ESR1: variants seen among roughly 807,000 people sequenced by gnomAD.
ESR1 encodes the protein estrogen receptor 1.
In ESR1, 12 loss-of-function variants were observed where a neutral mutation model predicts 52.7. The observed-to-expected ratio is 0.23, with a 90% CI of 0.15 to 0.37. The LOEUF is 0.37. Among genes scored for constraint, ESR1 ranks in the 10% least tolerant of loss-of-function variants. The probability of loss-of-function intolerance (pLI) is 1.00; values close to 1 mark genes in which losing one functional copy is unlikely to be tolerated. For synonymous variants in ESR1, 305 were observed against 316.8 expected (o/e 0.96, Z 0.39); for missense variants, 584 against 779.7 (o/e 0.75, Z 2.99).
intron 4 of ESR1, among the ~76,000 whole-genome samples, chr6:151,997,203 A>G (rs1406273120): frequency 6.6e-6 from 1 of 152,144 alleles, no homozygotes; most frequent in Non-Finnish European, 1.5e-5. Flanking sequence ...CTTTGTAGGA[A>G]GTCAGTATTG....
intron 2 of ESR1, among the ~76,000 whole-genome samples, chr6:151,750,200 G>T (rs570457844): frequency 6.6e-6 from 1 of 152,258 alleles, no homozygotes; most frequent in African/African-American, 2.4e-5. Flanking sequence ...CTCTGGTTAT[G>T]TACATCCACA....
chr6:151,972,238 A>G (rs761742180), intron 4 of ESR1, among the ~76,000 whole-genome samples: 1 of 152,212 alleles, frequency 6.6e-6, no homozygotes. Context: ...AGAAAAATTG[A>G]TACCAATCCT....
At chr6:151,669,819 T>C (rs1293955) in intron 1 of ESR1, among the ~76,000 whole-genome samples, 41,968 of 151,746 alleles carry the variant, frequency 0.28, 6,374 homozygotes, top group East Asian at 0.41. Context: ...GTGGAGTGAG[T>C]AGCAGAATCA....
intron 5 of ESR1, among the ~76,000 whole-genome samples, chr6:152,015,442 C>G (rs549597936): frequency 1.3e-5 from 2 of 152,308 alleles, no homozygotes; most frequent in African/African-American, 4.8e-5. Context: ...TCTCATTCCA[C>G]CATATTAGTT....
At chr6:151,688,752 T>G (rs951953112), upstream of ESR1, among the ~76,000 whole-genome samples, 3 of 152,252 alleles carry the variant, frequency 2.0e-5, no homozygotes, top group South Asian at 4.1e-4. Flanking sequence ...TTTTAGGTAT[T>G]ATAAGTAATC....
At chr6:152,084,918 G>A (rs191212568) in intron 6 of ESR1, among the ~76,000 whole-genome samples, 2 of 152,246 alleles carry the variant, frequency 1.3e-5, no homozygotes, top group East Asian at 3.9e-4. Context: ...CAGACTAAAG[G>A]TCTCCTATGA....
intron 3 of ESR1, among the ~76,000 whole-genome samples, chr6:151,908,352 A>G (rs1797763891): frequency 6.6e-6 from 1 of 152,142 alleles, no homozygotes; most frequent in South Asian, 2.1e-4. Context: ...CACAACAGTT[A>G]ATTATTTTAT....
chr6:151,815,805 C>T (rs1194005991), intron 1 of ESR1, among the ~76,000 whole-genome samples: 1 of 152,200 alleles, frequency 6.6e-6, no homozygotes, highest in Non-Finnish European at 1.5e-5. Flanking sequence ...GTATATGTTC[C>T]CAGCTGAGGC....
chr6:151,974,343 T>A (rs1350457476), intron 4 of ESR1, among the ~76,000 whole-genome samples: 1 of 110,180 alleles, frequency 9.1e-6, no homozygotes, highest in Non-Finnish European at 2.2e-5. Context: ...CAAATATTGT[T>A]ATTATCTTCA....
chr6:151,907,292 G>A (rs896801148), intron 3 of ESR1, among the ~76,000 whole-genome samples: 1 of 151,844 alleles, frequency 6.6e-6, no homozygotes, highest in Non-Finnish European at 1.5e-5. Flanking sequence ...AATCTGAGGA[G>A]GATTGACATC....
chr6:151,990,913 C>G (rs890699550), intron 4 of ESR1, among the ~76,000 whole-genome samples: 9 of 152,076 alleles, frequency 5.9e-5, no homozygotes, highest in Non-Finnish European at 8.8e-5. Context: ...ATAAGATTAT[C>G]TATAAACATG....
intron 2 of ESR1, among the ~76,000 whole-genome samples, chr6:151,757,867 C>T (rs182744195): frequency 7.9e-5 from 12 of 152,240 alleles, no homozygotes; most frequent in African/African-American, 2.2e-4. Context: ...TCATCCATTT[C>T]CTGTAATAAG....
At chr6:151,990,893 A>G (rs1287726930) in intron 4 of ESR1, among the ~76,000 whole-genome samples, 1 of 152,182 alleles carries the variant, frequency 6.6e-6, no homozygotes, top group Non-Finnish European at 1.5e-5. Flanking sequence ...TATTATATAT[A>G]TGGGAATAGA....
At chr6:152,117,323 T>C (rs749394027) in intron 6 of ESR1, among the ~76,000 whole-genome samples, 18 of 152,328 alleles carry the variant, frequency 1.2e-4, no homozygotes, top group Non-Finnish European at 2.4e-4. Context: ...TCCAAGAATG[T>C]GTCCGGCAGG....
At chr6:152,013,170 C>G (rs572830015) in intron 5 of ESR1, among the ~76,000 whole-genome samples, 8 of 152,088 alleles carry the variant, frequency 5.3e-5, no homozygotes, top group Non-Finnish European at 1.0e-4. Context: ...CGTGTTCTTT[C>G]CTTTCCATTC....
At position 151,848,493 on chromosome 6, in the gene ESR1, TA is replaced by T. The variant is rs1272722852; in HGVS notation, c.643+5717del. 4.8e-3 allele frequency among the ~76,000 whole-genome samples: 704 copies of T among 147,064 alleles called. 2 individuals carry two copies. Among genetic ancestry groups the T allele is most frequent in the Middle Eastern group, 0.017 (5 of 288 alleles). ...TAGAGTATAATAAAAAAAAAAAATT[TA>T]AAAAAAAAAAGAGATCTTAGTTCTT... On this transcript the variant is annotated intron_variant, in intron 2 of 7. Transcript: ENST00000206249.
intron 3 of ESR1, among the ~76,000 whole-genome samples, chr6:151,881,492 G>C (rs1792906971): frequency 1.3e-5 from 2 of 152,126 alleles, no homozygotes; most frequent in African/African-American, 4.8e-5. Context: ...CCCAGTTCTG[G>C]GAATATTAGG....
At chr6:152,120,526 C>T (rs762339259) in intron 6 of ESR1, among the ~76,000 whole-genome samples, 6 of 152,042 alleles carry the variant, frequency 3.9e-5, no homozygotes, top group African/African-American at 7.2e-5. Context: ...GGCAAGAAGC[C>T]GAGTAGTAGA....
intron 1 of ESR1, among the ~76,000 whole-genome samples, chr6:151,821,874 G>T (rs1193598961): frequency 6.6e-6 from 1 of 152,030 alleles, no homozygotes; most frequent in East Asian, 1.9e-4. Flanking sequence ...GTTTAATATT[G>T]TTCCAGGAAA....
Sources: gnomAD v4.1 joint callset for allele counts (sites outside exome capture counted in the v4.1 genomes callset) on GRCh38, gnomAD v4.1.1 for gene constraint, MANE v1.5 for transcripts, NCBI Gene and HGNC (gene_info 2026-07-23, HGNC 2026-07-21) for gene names.